PSD3: variants seen among roughly 807,000 people sequenced by gnomAD.
The protein encoded by PSD3 is pleckstrin and Sec7 domain containing 3.
A neutral mutation model predicts 105.5 loss-of-function variants in PSD3; 49 were observed. That is an observed-to-expected ratio of 0.46 (90% CI 0.37 to 0.59). PSD3 has a LOEUF of 0.59. Among genes scored for constraint, PSD3 ranks in the 20% least tolerant of loss-of-function variants. PSD3 has a pLI of 0.00. For missense variants in PSD3, 1,561 were observed against 1,263.8 expected (o/e 1.24, Z -3.57); for synonymous variants, 557 against 457.8 (o/e 1.22, Z -2.77).
intron 12 of PSD3, among the ~76,000 whole-genome samples, chr8:18,581,118 C>G (rs1054999262): frequency 6.6e-6 from 1 of 152,162 alleles, no homozygotes; most frequent in Non-Finnish European, 1.5e-5. Context: ...TAGCGGATGA[C>G]TCACTCTGTA....
chr8:18,605,046 C>T (rs983865214), intron 11 of PSD3, among the ~76,000 whole-genome samples: 2 of 152,234 alleles, frequency 1.3e-5, no homozygotes, highest in African/African-American at 4.8e-5. Flanking sequence ...AGGGTTAAAG[C>T]CCTCACACAG....
At chr8:18,860,111 T>C (rs1402737658) in intron 4 of PSD3, among the ~76,000 whole-genome samples, 1 of 152,136 alleles carries the variant, frequency 6.6e-6, no homozygotes, top group African/African-American at 2.4e-5. Context: ...GGTTATTAAC[T>C]GGCATAATCT....
intron 1 of PSD3, among the ~76,000 whole-genome samples, chr8:18,975,318 T>TAAA (rs755184811): frequency 0.019 from 2,305 of 119,080 alleles, 64 homozygotes; most frequent in African/African-American, 0.052. Context: ...TCTGAAATTT[T>TAAA]TTTTTTTTTT....
At chr8:18,875,876 T>C (rs1376434274) in intron 2 of PSD3, among the ~76,000 whole-genome samples, 2 of 152,138 alleles carry the variant, frequency 1.3e-5, no homozygotes, top group African/African-American at 4.8e-5. Context: ...AGAAACCCTG[T>C]ATCCATAAGC....
chr8:18,927,847 C>T (rs927959323), intron 2 of PSD3, among the ~76,000 whole-genome samples: 1 of 152,118 alleles, frequency 6.6e-6, no homozygotes. Flanking sequence ...GAAATGGGGA[C>T]AAAAACCAAA....
At chr8:18,772,750 T>A (rs1026139623) in intron 8 of PSD3, among the ~76,000 whole-genome samples, 1 of 152,200 alleles carries the variant, frequency 6.6e-6, no homozygotes, top group African/African-American at 2.4e-5. Flanking sequence ...CCTCAGGTGA[T>A]CTGCCCACCT....
chr8:19,038,294 G>A (rs956605843), intron 1 of PSD3, among the ~76,000 whole-genome samples: 11 of 152,026 alleles, frequency 7.2e-5, no homozygotes, highest in African/African-American at 1.4e-4. Flanking sequence ...CTCTCTTACC[G>A]TCTAATTTCT....
intron 1 of PSD3, among the ~76,000 whole-genome samples, chr8:18,985,369 T>C (rs1825450505): frequency 6.6e-6 from 1 of 152,212 alleles, no homozygotes; most frequent in Non-Finnish European, 1.5e-5. Flanking sequence ...GGTCTGCATA[T>C]AGAATATCTG....
At chr8:18,782,085 G>A (rs1297419440) in intron 8 of PSD3, among the ~76,000 whole-genome samples, 2 of 151,830 alleles carry the variant, frequency 1.3e-5, no homozygotes, top group Non-Finnish European at 2.9e-5. Context: ...ATGGTGAAAT[G>A]TTTCTTTGCA....
chr8:18,635,169 C>T (rs938256266), intron 10 of PSD3, among the ~76,000 whole-genome samples: 3 of 152,056 alleles, frequency 2.0e-5, no homozygotes, highest in African/African-American at 7.2e-5. Context: ...TGTGAACATG[C>T]CTCATCTTCT....
chr8:18,773,602 T>C (rs180842938), intron 8 of PSD3, among the ~76,000 whole-genome samples: 26 of 152,294 alleles, frequency 1.7e-4, no homozygotes, highest in Admixed American at 7.8e-4. Context: ...TTCCAGTCCA[T>C]GAACATGAAA....
chr8:18,727,580 A>ACACG (rs1346436745), intron 9 of PSD3, among the ~76,000 whole-genome samples: 18 of 148,636 alleles, frequency 1.2e-4, no homozygotes, highest in East Asian at 3.9e-4. Context: ...ACACACACAC[A>ACACG]CACGCACGCA....
intron 9 of PSD3, among the ~76,000 whole-genome samples, chr8:18,713,232 G>C (rs1390205055): frequency 6.6e-6 from 1 of 152,122 alleles, no homozygotes; most frequent in Non-Finnish European, 1.5e-5. Context: ...CACAAGACAA[G>C]GATGCCCTCT....
In PSD3 at chr8:18,590,556, G is replaced by T. The variant is rs1646888015; in HGVS notation, c.2481+9808C>A. 3.9e-5 allele frequency among the ~76,000 whole-genome samples: 6 copies of T among 152,156 alleles called. No individual in the cohort carries two copies. The South Asian group carries it at 1.2e-3, about 32-fold the overall frequency. ...TGACATTAGGTATAATCTTTCTGGA[G>T]GTAATTTAGAAATATGTTTTCAGAA... On this transcript the variant is annotated intron_variant, in intron 12 of 15. Transcript: ENST00000327040.
At chr8:18,881,676 T>G (rs1213535135) in intron 2 of PSD3, among the ~76,000 whole-genome samples, 4 of 152,178 alleles carry the variant, frequency 2.6e-5, no homozygotes, top group Admixed American at 6.5e-5. Context: ...AGTTACGGAT[T>G]CTACACACAT....
intron 9 of PSD3, among the ~76,000 whole-genome samples, chr8:18,671,005 A>G (rs1169311835): frequency 6.6e-6 from 1 of 152,224 alleles, no homozygotes; most frequent in Non-Finnish European, 1.5e-5. Flanking sequence ...CAAGTCTTCC[A>G]TCTCCCTTTA....
At chr8:18,975,146 A>G (rs1824860493) in intron 1 of PSD3, among the ~76,000 whole-genome samples, 1 of 152,096 alleles carries the variant, frequency 6.6e-6, no homozygotes, top group South Asian at 2.1e-4. Context: ...AAGGGTGGGG[A>G]AGAGGAAAAG....
At chr8:18,841,766 T>A (rs1265553514) in intron 4 of PSD3, among the ~76,000 whole-genome samples, 2 of 152,162 alleles carry the variant, frequency 1.3e-5, no homozygotes, top group African/African-American at 4.8e-5. Flanking sequence ...AAGACAGGCA[T>A]AGAAAGATTC....
At chr8:18,834,020 A>G (rs975836400) in intron 4 of PSD3, among the ~76,000 whole-genome samples, 2 of 151,858 alleles carry the variant, frequency 1.3e-5, no homozygotes, top group African/African-American at 4.8e-5. Flanking sequence ...GAAAACTAAA[A>G]TAAGGAAAGT....
Sources: gnomAD v4.1 joint callset for allele counts (sites outside exome capture counted in the v4.1 genomes callset) on GRCh38, gnomAD v4.1.1 for gene constraint, MANE v1.5 for transcripts, NCBI Gene and HGNC (gene_info 2026-07-23, HGNC 2026-07-21) for gene names.